Variants in CECR2 observed in about 807,000 individuals in gnomAD.
The protein encoded by CECR2 is CECR2 histone acetyl-lysine reader, also known as chromatin remodeling regulator CECR2.
Under a neutral mutation model 154.5 loss-of-function variants are expected in CECR2, and 30 were observed. That is an observed-to-expected ratio of 0.19 (90% CI 0.15 to 0.26). CECR2 has a LOEUF of 0.26. CECR2 is among the 10% of genes least tolerant of loss of function. The probability of loss-of-function intolerance (pLI) is 1.00; values close to 1 mark genes in which losing one functional copy is unlikely to be tolerated. For synonymous variants in CECR2, 725 were observed against 683.7 expected, an observed-to-expected ratio of 1.06 and a Z score of -0.94; for missense variants, 1,743 against 1,829.3, an observed-to-expected ratio of 0.95 and a Z score of 0.86.
At chr22:17,509,861 C>G (rs776615158) in intron 7 of CECR2, among the ~76,000 whole-genome samples, 2 of 152,112 alleles carry the variant, frequency 1.3e-5, no homozygotes, top group African/African-American at 4.8e-5. Flanking sequence ...CTTCTCTGTC[C>G]GCCATCAGAA....
intron 1 of CECR2, among the ~76,000 whole-genome samples, chr22:17,467,273 A>G (rs1410898374): frequency 6.6e-6 from 1 of 152,184 alleles, no homozygotes; most frequent in Non-Finnish European, 1.5e-5. Flanking sequence ...GGGCAGCATA[A>G]TCCTCTTATG....
At chr22:17,494,087 T>C (rs2055577699) in intron 2 of CECR2, among the ~76,000 whole-genome samples, 1 of 151,558 alleles carries the variant, frequency 6.6e-6, no homozygotes, top group South Asian at 2.1e-4. Flanking sequence ...AAACACTTTT[T>C]CATTTTCTTT....
intron 17 of CECR2, among the ~76,000 whole-genome samples, chr22:17,550,655 T>C (rs1433758987): frequency 1.3e-5 from 2 of 152,268 alleles, no homozygotes; most frequent in Non-Finnish European, 2.9e-5. Flanking sequence ...ATGAAAGTTA[T>C]GAAGCGGCCA....
chr22:17,404,787 A>G (rs1344111244), intron 1 of CECR2, among the ~76,000 whole-genome samples: 1 of 152,082 alleles, frequency 6.6e-6, no homozygotes, highest in Non-Finnish European at 1.5e-5. Flanking sequence ...TAGTCCTCTC[A>G]CTTTGTTCAT....
At chr22:17,551,963 G>A (rs2056714578) in intron 17 of CECR2, 68 bp from the exon 18 acceptor site, 17 of 1,451,992 alleles carry the variant, frequency 1.2e-5, no homozygotes, top group Middle Eastern at 3.5e-4. Context: ...CGTGACTACA[G>A]TGTCTTGTTT....
intron 1 of CECR2, among the ~76,000 whole-genome samples, chr22:17,461,942 AC>A (rs1421029054): frequency 3.3e-5 from 5 of 151,676 alleles, no homozygotes; most frequent in Non-Finnish European, 5.9e-5. Flanking sequence ...ACAGGTGCGC[AC>A]CACCAAACCC....
At chr22:17,478,602 G>T (rs767415041) in intron 2 of CECR2, among the ~76,000 whole-genome samples, 14 of 152,074 alleles carry the variant, frequency 9.2e-5, no homozygotes, top group Non-Finnish European at 1.5e-4. Context: ...TGATCTGCCC[G>T]CCTCGACCTC....
At chr22:17,371,443 T>A (rs1454561833) in intron 1 of CECR2, among the ~76,000 whole-genome samples, 4 of 152,210 alleles carry the variant, frequency 2.6e-5, no homozygotes, top group Non-Finnish European at 5.9e-5. Flanking sequence ...GCAAGCATAA[T>A]TTTATTAATG....
chr22:17,479,939 A>AT (rs962064943), intron 2 of CECR2, among the ~76,000 whole-genome samples: 9 of 151,444 alleles, frequency 5.9e-5, no homozygotes, highest in African/African-American at 1.9e-4. Flanking sequence ...ATTTTTAACA[A>AT]TTTTTTGTAG....
chr22:17,448,593 A>G (rs1258670309), intron 1 of CECR2, among the ~76,000 whole-genome samples: 2 of 152,172 alleles, frequency 1.3e-5, no homozygotes, highest in Admixed American at 6.6e-5. Context: ...TTGATTTTCC[A>G]TAAGAGACAG....
At chr22:17,432,900 C>T (rs1321995148) in intron 1 of CECR2, among the ~76,000 whole-genome samples, 1 of 152,178 alleles carries the variant, frequency 6.6e-6, no homozygotes. Flanking sequence ...CTGAGTGTGG[C>T]TTTAACAGAG....
At chr22:17,382,103 G>A (rs1367027792) in intron 1 of CECR2, among the ~76,000 whole-genome samples, 4 of 151,674 alleles carry the variant, frequency 2.6e-5, no homozygotes, top group Non-Finnish European at 4.4e-5. Flanking sequence ...TGTTAGCCAG[G>A]ATGGTCTTGA....
intron 8 of CECR2, among the ~76,000 whole-genome samples, chr22:17,517,077 C>CAAA (rs1320990885): frequency 6.6e-6 from 1 of 151,880 alleles, no homozygotes; most frequent in East Asian, 1.9e-4. Flanking sequence ...CGGGGTTTCA[C>CAAA]CATCTTGGCC....
At chr22:17,403,104 C>T (rs770153568) in intron 1 of CECR2, among the ~76,000 whole-genome samples, 11 of 152,300 alleles carry the variant, frequency 7.2e-5, no homozygotes, top group East Asian at 1.9e-4. Flanking sequence ...CACCTGACAT[C>T]GCATGTCTCC....
At chr22:17,414,897 G>A (rs1338070827) in intron 1 of CECR2, among the ~76,000 whole-genome samples, 3 of 152,146 alleles carry the variant, frequency 2.0e-5, no homozygotes. Flanking sequence ...CTGTTTGGGG[G>A]CATGCTTACA....
chr22:17,529,143 G>A (rs2056312044), intron 9 of CECR2, among the ~76,000 whole-genome samples: 1 of 152,182 alleles, frequency 6.6e-6, no homozygotes, highest in Non-Finnish European at 1.5e-5. Context: ...TAAATAAAGT[G>A]AATGAGGTTG....
chr22:17,387,127 G>T (rs2063272548), intron 1 of CECR2, among the ~76,000 whole-genome samples: 1 of 152,116 alleles, frequency 6.6e-6, no homozygotes. Context: ...AGCTATTCAG[G>T]TATTTATGTT....
chr22:17,541,690 A>C (rs2056524727), intron 14 of CECR2, 149 bp from the exon 15 acceptor site: 3 of 834,862 alleles, frequency 3.6e-6, no homozygotes, highest in Non-Finnish European at 5.3e-6. Flanking sequence ...GCGGGTGAGC[A>C]CGTGTGTTCA....
intron 1 of CECR2, among the ~76,000 whole-genome samples, chr22:17,382,092 G>A (rs572005338): frequency 3.8e-4 from 58 of 150,988 alleles, no homozygotes; most frequent in East Asian, 2.9e-3. Flanking sequence ...AGGTTTCGCC[G>A]TGTTAGCCAG....
Sources: gnomAD v4.1 joint callset for allele counts (sites outside exome capture counted in the v4.1 genomes callset) on GRCh38, gnomAD v4.1.1 for gene constraint, MANE v1.5 for transcripts, NCBI Gene and HGNC (gene_info 2026-07-23, HGNC 2026-07-21) for gene names.